Variants in RSRC1 observed in about 807,000 individuals in gnomAD.
RSRC1 encodes the protein serine/Arginine-related protein 53.
RSRC1 carries 39 observed loss-of-function variants against 49.1 expected under a neutral mutation model. The observed-to-expected ratio is 0.79, with a 90% CI of 0.61 to 1.04. The LOEUF (loss-of-function observed/expected upper bound fraction) is 1.04. Ranked by LOEUF, RSRC1 falls within the 50% of genes least tolerant of loss-of-function variation. The pLI, the probability that RSRC1 is intolerant of heterozygous loss-of-function variation, is 0.00. For missense variants in RSRC1, 388 were observed against 402.4 expected (o/e 0.96, Z 0.31); for synonymous variants, 143 against 130.8 (o/e 1.09, Z -0.63).
chr3:158,266,809 A>G (rs2108046549), intron 4 of RSRC1, among the ~76,000 whole-genome samples: 1 of 151,896 alleles, frequency 6.6e-6, no homozygotes. Context: ...GTGCAATGGT[A>G]TGATCTCGGC....
At chr3:158,244,382 G>A (rs947018927) in intron 4 of RSRC1, among the ~76,000 whole-genome samples, 3 of 152,152 alleles carry the variant, frequency 2.0e-5, no homozygotes, top group Admixed American at 2.0e-4. Context: ...AGATAATCAT[G>A]TGGTTTTTGT....
intron 3 of RSRC1, among the ~76,000 whole-genome samples, chr3:158,161,228 A>G (rs1718197860): frequency 6.6e-6 from 1 of 152,122 alleles, no homozygotes; most frequent in Non-Finnish European, 1.5e-5. Flanking sequence ...CTTCTGATCT[A>G]TGCTGGGCTC....
chr3:158,313,674 A>G (rs1438431857), intron 5 of RSRC1, among the ~76,000 whole-genome samples: 1 of 152,228 alleles, frequency 6.6e-6, no homozygotes. Flanking sequence ...AAAATAAATG[A>G]AGTAATTTAA....
intron 4 of RSRC1, among the ~76,000 whole-genome samples, chr3:158,261,989 C>T (rs1341490171): frequency 2.0e-5 from 3 of 152,208 alleles, no homozygotes; most frequent in African/African-American, 4.8e-5. Context: ...CTCTGCACCA[C>T]CCCTACCCAG....
chr3:158,443,896 T>G (rs1381957501), intron 6 of RSRC1, among the ~76,000 whole-genome samples: 1 of 152,062 alleles, frequency 6.6e-6, no homozygotes, highest in African/African-American at 2.4e-5. Context: ...TATTGTTGTG[T>G]CTCAGGGAAC....
chr3:158,380,220 A>G (rs1010843753), intron 6 of RSRC1, among the ~76,000 whole-genome samples: 1 of 152,216 alleles, frequency 6.6e-6, no homozygotes, highest in African/African-American at 2.4e-5. Flanking sequence ...ATCAAATATC[A>G]TGAATTTCAA....
intron 6 of RSRC1, among the ~76,000 whole-genome samples, chr3:158,451,788 A>G (rs16828998): frequency 0.072 from 10,947 of 152,152 alleles, 465 homozygotes; most frequent in South Asian, 0.13. Flanking sequence ...TACATTAAAT[A>G]GAACCACTAA....
intron 3 of RSRC1, among the ~76,000 whole-genome samples, chr3:158,133,287 A>G (rs1237775067): frequency 6.6e-6 from 1 of 152,132 alleles, no homozygotes; most frequent in Non-Finnish European, 1.5e-5. Context: ...TTATTAACCT[A>G]TTGATCTTTA....
At chr3:158,332,009 A>G (rs1729574662) in intron 5 of RSRC1, among the ~76,000 whole-genome samples, 1 of 152,056 alleles carries the variant, frequency 6.6e-6, no homozygotes, top group African/African-American at 2.4e-5. Flanking sequence ...ATAAAAGTAG[A>G]ACTTAATTTA....
chr3:158,340,719 A>G (rs920380278), intron 5 of RSRC1, among the ~76,000 whole-genome samples: 2 of 152,160 alleles, frequency 1.3e-5, no homozygotes, highest in Admixed American at 6.5e-5. Flanking sequence ...ATTGGTACCA[A>G]TAGAATGGGG....
At chr3:158,329,054 C>T (rs1468234093) in intron 5 of RSRC1, among the ~76,000 whole-genome samples, 3 of 152,184 alleles carry the variant, frequency 2.0e-5, no homozygotes, top group South Asian at 2.1e-4. Context: ...GTGCATTTGT[C>T]ACATAGTTCT....
chr3:158,368,685 G>C (rs1441616803), intron 6 of RSRC1, among the ~76,000 whole-genome samples: 1 of 152,144 alleles, frequency 6.6e-6, no homozygotes, highest in Non-Finnish European at 1.5e-5. Context: ...TTGGATGCTT[G>C]CTTATATATT....
At chr3:158,361,868 C>T (rs1356044605) in intron 6 of RSRC1, among the ~76,000 whole-genome samples, 1 of 152,178 alleles carries the variant, frequency 6.6e-6, no homozygotes, top group Non-Finnish European at 1.5e-5. Context: ...AAGATTTCCA[C>T]ATCTTTTCCC....
At position 158,344,550 on chromosome 3, in the gene RSRC1, T is replaced by TA. The variant is rs565654284; in HGVS notation, c.532-10302dup. Among the ~76,000 whole-genome samples, 4 of 152,276 alleles carry TA rather than the reference T, an allele frequency of 2.6e-5. No homozygotes were observed. In the South Asian group the frequency reaches 8.3e-4, roughly 32 times the overall value. ...AAAATGTAGGCCAAATGAATATTTT[T>TA]AAAAAGACATACAAAAACTGAAATA... On this transcript the variant is annotated intron_variant, in intron 5 of 9. Coordinates refer to ENST00000611884, the MANE Select transcript of RSRC1 (RefSeq NM_001271838.2).
intron 1 of RSRC1, among the ~76,000 whole-genome samples, chr3:158,115,300 T>C (rs1714724302): frequency 6.6e-6 from 1 of 152,140 alleles, no homozygotes; most frequent in Admixed American, 6.5e-5. Flanking sequence ...TCCTGTTCTC[T>C]CTTTTTGGTC....
chr3:158,469,076 T>G (rs1311953361), intron 7 of RSRC1, among the ~76,000 whole-genome samples: 1 of 152,138 alleles, frequency 6.6e-6, no homozygotes, highest in African/African-American at 2.4e-5. Context: ...CAAAAAACTT[T>G]GATTTTGTCC....
At chr3:158,441,943 C>T (rs192227909) in intron 6 of RSRC1, among the ~76,000 whole-genome samples, 41 of 152,172 alleles carry the variant, frequency 2.7e-4, no homozygotes, top group African/African-American at 9.9e-4. Context: ...AAGCAAATGC[C>T]ACAGTAATGC....
intron 7 of RSRC1, among the ~76,000 whole-genome samples, chr3:158,498,333 T>C (rs531627860): frequency 2.0e-5 from 3 of 152,298 alleles, no homozygotes; most frequent in African/African-American, 7.2e-5. Flanking sequence ...GAGCATTTTT[T>C]CATTTATCTG....
intron 7 of RSRC1, among the ~76,000 whole-genome samples, chr3:158,492,071 CA>C (rs1178530079): frequency 6.6e-6 from 1 of 152,090 alleles, no homozygotes; most frequent in African/African-American, 2.4e-5. Context: ...TAGCAGAAGG[CA>C]AAGGCGAAGC....
Sources: allele counts gnomAD v4.1 joint callset (sites outside exome capture counted in the v4.1 genomes callset), GRCh38; gene constraint gnomAD v4.1.1; transcripts MANE v1.5; gene names NCBI Gene and HGNC (gene_info 2026-07-23, HGNC 2026-07-21).